Variants in ZRANB3 observed in about 807,000 individuals in gnomAD.
ZRANB3 encodes the protein DNA annealing helicase and endonuclease ZRANB3.
Under a neutral mutation model 133.8 loss-of-function variants are expected in ZRANB3, and 125 were observed. That is an observed-to-expected ratio of 0.93 (90% CI 0.81 to 1.08). The LOEUF (loss-of-function observed/expected upper bound fraction) is 1.08, where lower values mean the gene tolerates loss of function less well. Among genes scored for constraint, ZRANB3 ranks in the 50% least tolerant of loss-of-function variants. ZRANB3 has a pLI of 0.00. For missense variants in ZRANB3, 1,229 were observed against 1,275.5 expected (o/e 0.96, Z 0.56); for synonymous variants, 387 against 432.7 (o/e 0.89, Z 1.31).
chr2:135,315,406 T>C lies in ZRANB3; in HGVS notation c.802A>G (p.Lys268Glu), dbSNP rs1409966168. The C allele has an allele frequency of 1.9e-6, 3 of 1,605,628 alleles. No individual in the cohort carries two copies. The highest frequency in any genetic ancestry group is 2.3e-5 in the East Asian group (1 of 44,364). ...KTEVLTQLPP[K>E]VRQRIPFDLP... ...TCAAATGGAATACGCTGTCTGACTT[T>C]AGGGGGTAGCTGGGTTAAAACTTCA... The change falls in exon 7 of 21, where the codon AAA becomes GAA. Residue 268 changes from lysine (K) to glutamate (E), a missense_variant. Lys to Glu is a moderately conservative substitution (Grantham distance 56). Transcript: ENST00000264159.
chr2:135,363,905 C>T (rs1685808096), intron 3 of ZRANB3, among the ~76,000 whole-genome samples: 1 of 152,070 alleles, frequency 6.6e-6, no homozygotes, highest in Admixed American at 6.6e-5. Context: ...AGAGAGACCA[C>T]ATCTCTACAA....
intron 4 of ZRANB3, among the ~76,000 whole-genome samples, chr2:135,351,731 C>A (rs1336998290): frequency 6.6e-6 from 1 of 152,156 alleles, no homozygotes; most frequent in Non-Finnish European, 1.5e-5. Flanking sequence ...CCAGGCATAA[C>A]TGATATAAGC....
chr2:135,509,550 T>C (rs1395164329), intron 1 of ZRANB3, among the ~76,000 whole-genome samples: 1 of 152,168 alleles, frequency 6.6e-6, no homozygotes. Context: ...CTTTAAACAA[T>C]TGCCAAGACT....
At position 135,334,678 on chromosome 2, in the gene ZRANB3, G is replaced by A. The variant is rs376405974; in HGVS notation, c.677+10872C>T. On this transcript the variant is annotated intron_variant, in intron 6 of 20. Coordinates refer to ENST00000264159, the MANE Select transcript of ZRANB3 (RefSeq NM_032143.4). ...TGGGAGGCCGAGGCAGGTGGATCAC[G>A]AGGTCAGGAGATCGAGACCATCCTG... Among the ~76,000 whole-genome samples the A allele has an allele frequency of 2.2e-4, 34 of 152,076 alleles. No homozygotes were observed. The East Asian group carries it at 5.6e-3, about 25-fold the overall frequency.
intron 20 of ZRANB3, among the ~76,000 whole-genome samples, chr2:135,201,452 A>C (rs1302761554): frequency 6.6e-6 from 1 of 152,112 alleles, no homozygotes; most frequent in Non-Finnish European, 1.5e-5. Flanking sequence ...CAGGAGTTTG[A>C]GAGCAGCCTG....
intron 3 of ZRANB3, among the ~76,000 whole-genome samples, chr2:135,371,424 C>T (rs779670364): frequency 6.6e-6 from 1 of 152,132 alleles, no homozygotes; most frequent in Non-Finnish European, 1.5e-5. Flanking sequence ...CAGGAGGATG[C>T]TTTGTGTCTG....
chr2:135,324,381 T>C (rs576103586), intron 6 of ZRANB3, among the ~76,000 whole-genome samples: 1 of 152,252 alleles, frequency 6.6e-6, no homozygotes, highest in East Asian at 1.9e-4. Context: ...GGTTTCCAGC[T>C]TCATCCATGT....
intron 2 of ZRANB3, among the ~76,000 whole-genome samples, chr2:135,402,600 T>G (rs1232851934): frequency 6.6e-6 from 1 of 151,974 alleles, no homozygotes; most frequent in Admixed American, 6.6e-5. Flanking sequence ...AGACTTTTTT[T>G]TTTTTAAGAC....
At chr2:135,273,283 G>A (rs1355225473) in intron 9 of ZRANB3, among the ~76,000 whole-genome samples, 3 of 151,924 alleles carry the variant, frequency 2.0e-5, no homozygotes, top group South Asian at 2.1e-4. Flanking sequence ...TGTATGTAGT[G>A]CCATAGAAAA....
intron 2 of ZRANB3, among the ~76,000 whole-genome samples, chr2:135,408,249 G>T (rs555828317): frequency 8.1e-4 from 124 of 152,264 alleles, no homozygotes; most frequent in African/African-American, 2.7e-3. Flanking sequence ...GCTCATCAGA[G>T]AAATGCAGAT....
intron 2 of ZRANB3, among the ~76,000 whole-genome samples, chr2:135,428,457 T>C (rs1574089527): frequency 6.9e-6 from 1 of 145,194 alleles, no homozygotes; most frequent in African/African-American, 2.5e-5. Context: ...AAATTCATAA[T>C]GAAGATTCCA....
chr2:135,489,476 A>T (rs1055564685), intron 2 of ZRANB3, among the ~76,000 whole-genome samples: 40 of 151,924 alleles, frequency 2.6e-4, no homozygotes, highest in African/African-American at 7.7e-4. Context: ...AAATAAAATT[A>T]AAAAAAGAAA....
chr2:135,344,333 G>C (rs904694444), intron 6 of ZRANB3, among the ~76,000 whole-genome samples: 4 of 152,176 alleles, frequency 2.6e-5, no homozygotes, highest in Non-Finnish European at 2.9e-5. Flanking sequence ...CTCTCAACAT[G>C]TGCAAAGATA....
At chr2:135,406,300 A>T (rs146499876) in intron 2 of ZRANB3, among the ~76,000 whole-genome samples, 15,864 of 152,138 alleles carry the variant, frequency 0.1, 1,091 homozygotes, top group South Asian at 0.32. Context: ...AATAGACCAA[A>T]AACAGGCTCT....
intron 1 of ZRANB3, among the ~76,000 whole-genome samples, chr2:135,527,487 T>A (rs1184378140): frequency 6.6e-6 from 1 of 151,728 alleles, no homozygotes; most frequent in African/African-American, 2.4e-5. Context: ...TGAACCCAGT[T>A]GGCAGAGGTT....
chr2:135,233,397 A>T (rs1054089281), intron 12 of ZRANB3, among the ~76,000 whole-genome samples: 16 of 152,236 alleles, frequency 1.1e-4, no homozygotes, highest in African/African-American at 3.6e-4. Context: ...GAACTTCCCC[A>T]ATCTGGCAAG....
chr2:135,231,606 CA>C (rs896125430), intron 12 of ZRANB3, among the ~76,000 whole-genome samples: 1 of 151,660 alleles, frequency 6.6e-6, no homozygotes, highest in African/African-American at 2.4e-5. Flanking sequence ...CAAAAAAACA[CA>C]AAAAAACAAA....
intron 11 of ZRANB3, 70 bp from the exon 12 acceptor site, chr2:135,265,756 A>G: frequency 6.8e-7 from 1 of 1,480,764 alleles, no homozygotes; most frequent in Non-Finnish European, 9.1e-7. Flanking sequence ...AAGTAACTTG[A>G]TTTTGCATTT....
At chr2:135,357,774 T>C (rs1685504478) in intron 3 of ZRANB3, among the ~76,000 whole-genome samples, 2 of 152,144 alleles carry the variant, frequency 1.3e-5, no homozygotes, top group South Asian at 4.1e-4. Context: ...GTGGGCTCTA[T>C]TTCCTTTTCC....
Sources: gnomAD v4.1 joint callset for allele counts (sites outside exome capture counted in the v4.1 genomes callset) on GRCh38, gnomAD v4.1.1 for gene constraint, MANE v1.5 for transcripts, NCBI Gene and HGNC (gene_info 2026-07-23, HGNC 2026-07-21) for gene names.